Variants in SLCO2B1 observed in about 807,000 individuals in gnomAD.
SLCO2B1 encodes the protein OATP-RP2.
In SLCO2B1, 41 loss-of-function variants were observed where a neutral mutation model predicts 67.3. That is an observed-to-expected ratio of 0.61 (90% CI 0.47 to 0.79). The LOEUF is 0.79. SLCO2B1 is among the 30% of genes least tolerant of loss of function. The pLI, the probability that SLCO2B1 is intolerant of heterozygous loss-of-function variation, is 0.00. For synonymous variants in SLCO2B1, 379 were observed against 381.4 expected, an observed-to-expected ratio of 0.99 and a Z score of 0.07; for missense variants, 837 against 920.1, an observed-to-expected ratio of 0.91 and a Z score of 1.17.
chr11:75,192,426 T>C (rs1046101021), intron 8 of SLCO2B1, among the ~76,000 whole-genome samples: 1 of 152,044 alleles, frequency 6.6e-6, no homozygotes, highest in South Asian at 2.1e-4. Flanking sequence ...TAGAGGGCTA[T>C]GGAGAAATGC....
At position 75,205,351 on chromosome 11, in the gene SLCO2B1, C is replaced by T. The variant is rs1945256067; in HGVS notation, c.*771C>T. The T allele has an allele frequency of 6.6e-6, 1 of 152,278 alleles. No homozygotes were observed. The allele number at this position is 152,278 out of a possible 1,614,324, so 9.4% of individuals were successfully genotyped here. On this transcript the variant is annotated 3_prime_UTR_variant, in exon 14 of 14. Transcript: ENST00000289575. ...GAGGCCCAACACCTGCCTTAGGGCC[C>T]TGGGTGGGCAAGTCTGGGCCCTGGG...
chr11:75,188,300 G>T, intron 8 of SLCO2B1, 62 bp downstream of exon 8: 2 of 1,066,036 alleles, frequency 1.9e-6, no homozygotes, highest in South Asian at 2.6e-5. Context: ...AGATTGTCAG[G>T]ATCCAGTCCT....
At chr11:75,203,601 C>G in intron 13 of SLCO2B1, 174 bp downstream of exon 13, 1 of 741,504 alleles carries the variant, frequency 1.3e-6, no homozygotes, top group Non-Finnish European at 2.2e-6. Context: ...TGCCCCCCTC[C>G]TTTTATAGAT....
intron 7 of SLCO2B1, among the ~76,000 whole-genome samples, chr11:75,183,296 C>T (rs1950110484): frequency 6.6e-6 from 1 of 152,154 alleles, no homozygotes; most frequent in African/African-American, 2.4e-5. Context: ...TACAGCACAT[C>T]TCAATTTGGA....
At chr11:75,151,459 GA>G in intron 1 of SLCO2B1, 62 bp downstream of exon 1, 1 of 1,583,078 alleles carries the variant, frequency 6.3e-7, no homozygotes, top group African/African-American at 1.3e-5. Context: ...TGTTCCCAGA[GA>G]AAAGGGTGAG....
At chr11:75,152,104 T>G (rs1949698675) in intron 1 of SLCO2B1, among the ~76,000 whole-genome samples, 1 of 152,242 alleles carries the variant, frequency 6.6e-6, no homozygotes, top group South Asian at 2.1e-4. Flanking sequence ...GAAAAAGGTC[T>G]TGAAGCTCTG....
At chr11:75,180,266 C>T (rs899202814) in intron 7 of SLCO2B1, among the ~76,000 whole-genome samples, 1 of 152,232 alleles carries the variant, frequency 6.6e-6, no homozygotes, top group Non-Finnish European at 1.5e-5. Flanking sequence ...ATCCACCTGC[C>T]TCTGCCTCCC....
intron 2 of SLCO2B1, among the ~76,000 whole-genome samples, chr11:75,163,210 GTTCTCACAA>G (rs1256499650): frequency 6.6e-6 from 1 of 152,196 alleles, no homozygotes; most frequent in Non-Finnish European, 1.5e-5. Flanking sequence ...ATCTTATTTA[GTTCTCACAA>G]TATCCCTGGG....
rs80325053 is a variant in SLCO2B1 at position 75,199,147 on chromosome 11, G to A, written c.1600-1077G>A. Among the ~76,000 whole-genome samples the A allele has an allele frequency of 2.7e-3, 414 of 152,166 alleles. 3 individuals are homozygous for A. The highest frequency in any genetic ancestry group is 9.2e-3 in the African/African-American group (380 of 41,488). On this transcript the variant is annotated intron_variant, in intron 10 of 13. Transcript: ENST00000289575. ...GCCTGTAGTTGGAGGTTCAGGGGCCGCTTTTCCTGCAGTGTAAGATGATAT... is the reference window on the plus strand; with the variant it reads ...GCCTGTAGTTGGAGGTTCAGGGGCCACTTTTCCTGCAGTGTAAGATGATAT...
chr11:75,158,477 A>G (rs1256650600), intron 1 of SLCO2B1, among the ~76,000 whole-genome samples: 4 of 152,322 alleles, frequency 2.6e-5, no homozygotes. Context: ...TGCATCTTCA[A>G]AGTTAAGGCT....
At position 75,161,690 on chromosome 11, in the gene SLCO2B1, G is replaced by A. The variant is rs547044186; in HGVS notation, c.17-965G>A. Reference sequence around the variant, plus strand: ...GGGACATGAAACAATGGAGGCTTCCGGCAGGAAGTGGAGCCGCAGAAGGGG... The same window carrying A: ...GGGACATGAAACAATGGAGGCTTCCAGCAGGAAGTGGAGCCGCAGAAGGGG... On this transcript the variant is annotated intron_variant, in intron 1 of 13. Coordinates refer to ENST00000289575, the MANE Select transcript of SLCO2B1 (RefSeq NM_007256.5). Among the ~76,000 whole-genome samples, 51 of 152,288 alleles carry A rather than the reference G, an allele frequency of 3.3e-4. No homozygotes were observed. In the South Asian group the frequency reaches 5.8e-3, roughly 17 times the overall value.
chr11:75,195,832 G>A (rs1296153746), intron 9 of SLCO2B1, among the ~76,000 whole-genome samples: 1 of 152,150 alleles, frequency 6.6e-6, no homozygotes, highest in East Asian at 1.9e-4. Flanking sequence ...GAGTCCCAGG[G>A]GACACCTCCC....
rs553000744 is a variant in SLCO2B1 at position 75,193,723 on chromosome 11, G to T, written c.1433+148G>T. 549 of 671,800 alleles carry T rather than the reference G, an allele frequency of 8.2e-4. 5 individuals carry two copies. Among genetic ancestry groups the T allele is most frequent in the Non-Finnish European group, 1.0e-4 (42 of 418,652 alleles). The allele number at this position is 671,800 out of a possible 1,614,324, so 41.6% of individuals were successfully genotyped here. A position where few individuals can be genotyped will look rare whatever the true frequency, so the allele number is the denominator to read the frequency against. On this transcript the variant is annotated intron_variant, in intron 9 of 13. Transcript: ENST00000289575. The surrounding 1 kb of genome is among the most constrained non-coding windows in gnomAD (Gnocchi z 4.2). ...GCTTAACAGCCCTTTAGAGATTCGA[G>T]TCAAGCAGTGGGGTGCTCCAGAAGG...
chr11:75,183,784 A>G (rs1016806097), intron 7 of SLCO2B1, among the ~76,000 whole-genome samples: 1 of 152,222 alleles, frequency 6.6e-6, no homozygotes, highest in African/African-American at 2.4e-5. Context: ...TTGGCCTCCC[A>G]AAATGCTGGA....
chr11:75,190,171 G>A (rs990814195), intron 8 of SLCO2B1, among the ~76,000 whole-genome samples: 1 of 152,164 alleles, frequency 6.6e-6, no homozygotes, highest in African/African-American at 2.4e-5. Flanking sequence ...ATCACTGTTT[G>A]GGCTTCTGCC....
intron 7 of SLCO2B1, among the ~76,000 whole-genome samples, chr11:75,178,268 G>A (rs1950051257): frequency 6.6e-6 from 1 of 152,080 alleles, no homozygotes; most frequent in Admixed American, 6.6e-5. Context: ...TGTAAAATGG[G>A]TATAACCATA....
intron 8 of SLCO2B1, 111 bp downstream of exon 8, chr11:75,188,349 C>A: frequency 1.4e-6 from 1 of 702,538 alleles, no homozygotes. Flanking sequence ...CCTGCAGACC[C>A]CTCATGAGCA....
At position 75,167,160 on chromosome 11, in the gene SLCO2B1, G is replaced by C. The variant is rs113914827; in HGVS notation, c.448+1211G>C. On this transcript the variant is annotated intron_variant, in intron 4 of 13. Coordinates refer to ENST00000289575, the MANE Select transcript of SLCO2B1 (RefSeq NM_007256.5). ...GAGGTGGCACTTGAGCTGCAGCTTA[G>C]AGAGAAGGTGGGAGTTGCAGGTGGA... Among the ~76,000 whole-genome samples the C allele has an allele frequency of 9.8e-4, 150 of 152,300 alleles. 2 individuals carry two copies. The highest frequency in any genetic ancestry group is 3.5e-3 in the African/African-American group (145 of 41,572).
At chr11:75,163,149 C>G (rs954120738) in intron 2 of SLCO2B1, among the ~76,000 whole-genome samples, 1 of 152,156 alleles carries the variant, frequency 6.6e-6, no homozygotes, top group Non-Finnish European at 1.5e-5. Flanking sequence ...ATCCAACGTC[C>G]ACTGGAGCCC....
Sources: gnomAD v4.1 joint callset for allele counts (sites outside exome capture counted in the v4.1 genomes callset) on GRCh38, gnomAD v4.1.1 for gene constraint, Gnocchi (gnomAD v3.1) non-coding constraint, MANE v1.5 for transcripts, NCBI Gene and HGNC (gene_info 2026-07-23, HGNC 2026-07-21) for gene names.